Variants in MEIS1 observed in about 807,000 individuals in gnomAD.
The protein encoded by MEIS1 is homeobox protein Meis1.
In MEIS1, 5 loss-of-function variants were observed where a neutral mutation model predicts 50.8. That is an observed-to-expected ratio of 0.10 (90% CI 0.05 to 0.21). The LOEUF (loss-of-function observed/expected upper bound fraction) is 0.21, where lower values mean the gene tolerates loss of function less well. Among genes scored for constraint, MEIS1 ranks in the 10% least tolerant of loss-of-function variants. The pLI, the probability that MEIS1 is intolerant of heterozygous loss-of-function variation, is 1.00. For missense variants in MEIS1, 318 were observed against 517.3 expected, an observed-to-expected ratio of 0.61 and a Z score of 3.74; for synonymous variants, 176 against 179.3, an observed-to-expected ratio of 0.98 and a Z score of 0.15.
At chr2:66,532,425 G>T (rs1332059246) in intron 8 of MEIS1, among the ~76,000 whole-genome samples, 1 of 151,698 alleles carries the variant, frequency 6.6e-6, no homozygotes, top group Non-Finnish European at 1.5e-5. Context: ...AAACACAAAA[G>T]CATGGAACAA....
chr2:66,449,997 A>G (rs1672242116), intron 6 of MEIS1, among the ~76,000 whole-genome samples: 1 of 152,158 alleles, frequency 6.6e-6, no homozygotes, highest in Admixed American at 6.5e-5. Context: ...ATACAATCAA[A>G]TACAAATTAC....
chr2:66,567,735 C>G (rs967666132), intron 10 of MEIS1: 1 of 652,162 alleles, frequency 1.5e-6, no homozygotes, highest in African/African-American at 1.8e-5. Context: ...AAAAGTAACT[C>G]TTAAATAATA....
intron 8 of MEIS1, among the ~76,000 whole-genome samples, chr2:66,546,160 GA>G (rs1360113930): frequency 6.6e-6 from 1 of 152,142 alleles, no homozygotes; most frequent in Non-Finnish European, 1.5e-5. Context: ...AGGGAAATAA[GA>G]AAAAGATGAA....
At chr2:66,567,746 T>C (rs1209783817) in intron 10 of MEIS1, 2 of 640,410 alleles carry the variant, frequency 3.1e-6, no homozygotes, top group Admixed American at 2.6e-5. Context: ...TTAAATAATA[T>C]GCTCAGTTAC....
At chr2:66,446,369 T>C (rs1672146308) in intron 6 of MEIS1, among the ~76,000 whole-genome samples, 1 of 152,036 alleles carries the variant, frequency 6.6e-6, no homozygotes, top group Non-Finnish European at 1.5e-5. Context: ...AATCTAAGCA[T>C]TTTCCACTCC....
At position 66,499,444 on chromosome 2, in the gene MEIS1, A is replaced by G. The variant is rs961080244; in HGVS notation, c.743-12705A>G. Among the ~76,000 whole-genome samples the G allele has an allele frequency of 9.2e-5, 14 of 151,892 alleles. 1 individual carries two copies. Among genetic ancestry groups the G allele is most frequent in the African/African-American group, 3.1e-4 (13 of 41,326 alleles). On this transcript the variant is annotated intron_variant, in intron 7 of 12. Coordinates refer to ENST00000272369, the MANE Select transcript of MEIS1 (RefSeq NM_002398.3). The stretch of plus-strand genomic sequence containing the variant: ...CCTAGGATGGACTCTCTCATCCCTC[A>G]TTCTCTATCATTAGCTCTCAGGCTG...
chr2:66,500,771 A>G (rs1673534428), intron 7 of MEIS1, among the ~76,000 whole-genome samples: 1 of 152,244 alleles, frequency 6.6e-6, no homozygotes, highest in South Asian at 2.1e-4. Context: ...ATTTTATTTA[A>G]TTGAGTTTGT....
chr2:66,438,968 T>TA (rs1366386676), intron 2 of MEIS1: 3 of 152,126 alleles, frequency 2.0e-5, no homozygotes, highest in Non-Finnish European at 4.4e-5. Context: ...GGGGAAGCTT[T>TA]GTAAAGGACC....
chr2:66,472,207 G>A (rs1056521958), intron 7 of MEIS1, among the ~76,000 whole-genome samples: 2 of 152,178 alleles, frequency 1.3e-5, no homozygotes, highest in African/African-American at 4.8e-5. Context: ...AATAAATAAG[G>A]AGAGAATTCA....
Position 66,512,175 on chromosome 2 carries a change from TC to T in MEIS1, c.774del (p.Ser259AlafsTer24). ...TGATGGCTTGGACAACAGTGTAGCT[TC>T]CCCCAGCACAGGTGACGATGATGAC... Reference protein sequence around the residue: ...QGDGLDNSVASPSTGDDDDPD... With the variant: ...QGDGLDNSVAXPSTGDDDDPD... On this transcript the variant is annotated frameshift_variant, in exon 8 of 13. Coordinates refer to ENST00000272369, the MANE Select transcript of MEIS1 (RefSeq NM_002398.3). LOFTEE classifies it high-confidence loss of function. The T allele has an allele frequency of 6.2e-7, 1 of 1,600,044 alleles. No individual in the cohort carries two copies. Among genetic ancestry groups the T allele is most frequent in the Admixed American group, 1.7e-5 (1 of 59,112 alleles).
At chr2:66,446,496 G>A (rs932447118) in intron 6 of MEIS1, among the ~76,000 whole-genome samples, 3 of 152,164 alleles carry the variant, frequency 2.0e-5, no homozygotes, top group African/African-American at 7.2e-5. Flanking sequence ...CTGTGCTCGG[G>A]CCTCAGCGGT....
In MEIS1 at chr2:66,435,853, G is replaced by T; in HGVS notation, c.-4G>T. The stretch of plus-strand genomic sequence containing the variant: ...TTGAAGTAGGAAGGGAGCCAGAGAG[G>T]CCGATGGCGCAAAGGGTACGTATTA... On this transcript the variant is annotated 5_prime_UTR_variant, in exon 1 of 13. Coordinates refer to ENST00000272369, the MANE Select transcript of MEIS1 (RefSeq NM_002398.3). The T allele has an allele frequency of 6.4e-7, 1 of 1,573,874 alleles. No homozygotes were observed. The highest frequency in any genetic ancestry group is 8.6e-7 in the Non-Finnish European group (1 of 1,163,612).
At chr2:66,437,650 T>G in intron 1 of MEIS1, 87 bp from the exon 2 acceptor site, 2 of 1,192,774 alleles carry the variant, frequency 1.7e-6, no homozygotes, top group Non-Finnish European at 2.5e-6. Flanking sequence ...CCAGCTGTAT[T>G]GACCTTATAT....
chr2:66,550,621 C>G (rs984988506), intron 9 of MEIS1, among the ~76,000 whole-genome samples: 2 of 151,952 alleles, frequency 1.3e-5, no homozygotes, highest in Non-Finnish European at 2.9e-5. Context: ...CTCAGCCTCC[C>G]CAGTAGTTGG....
At chr2:66,445,817 T>C (rs1157906175) in intron 6 of MEIS1, among the ~76,000 whole-genome samples, 1 of 152,178 alleles carries the variant, frequency 6.6e-6, no homozygotes, top group African/African-American at 2.4e-5. Flanking sequence ...TCCTTTCCTT[T>C]CCTTTTTCTT....
rs369821835 is a variant in MEIS1 at position 66,456,600 on chromosome 2, A to T, written c.631-7509A>T. On this transcript the variant is annotated intron_variant, in intron 6 of 12. Coordinates refer to ENST00000272369, the MANE Select transcript of MEIS1 (RefSeq NM_002398.3). ...CAGAATTACCCTTCAGGCCTCTATT[A>T]AGTGGAGTCATAAGCACATTTTATC... 1.7e-4 allele frequency among the ~76,000 whole-genome samples: 26 copies of T among 152,324 alleles called. No individual in the cohort carries two copies. In the East Asian group the frequency reaches 5.0e-3, roughly 29 times the overall value.
At chr2:66,497,869 T>C (rs535228774) in intron 7 of MEIS1, among the ~76,000 whole-genome samples, 1 of 152,334 alleles carries the variant, frequency 6.6e-6, no homozygotes, top group East Asian at 1.9e-4. Context: ...CAATGTATCC[T>C]CATCCACCAA....
chr2:66,467,908 C>T (rs1173959980), intron 7 of MEIS1, among the ~76,000 whole-genome samples: 1 of 152,174 alleles, frequency 6.6e-6, no homozygotes, highest in African/African-American at 2.4e-5. Context: ...GCTGTTGCTA[C>T]AACATTGATT....
At chr2:66,450,351 T>G (rs1004019498) in intron 6 of MEIS1, among the ~76,000 whole-genome samples, 1 of 152,174 alleles carries the variant, frequency 6.6e-6, no homozygotes, top group Non-Finnish European at 1.5e-5. Flanking sequence ...CATGCACTTA[T>G]AGTCTCAGCT....
Sources: gnomAD v4.1 joint callset for allele counts (sites outside exome capture counted in the v4.1 genomes callset) on GRCh38, gnomAD v4.1.1 for gene constraint, MANE v1.5 for transcripts, NCBI Gene and HGNC (gene_info 2026-07-23, HGNC 2026-07-21) for gene names.